Variants in PPP2R5A observed in about 807,000 individuals in gnomAD.
The protein encoded by PPP2R5A is protein phosphatase 2 regulatory subunit B'alpha, also known as serine/threonine-protein phosphatase 2A 56 kDa regulatory subunit alpha isoform.
Under a neutral mutation model 64.2 loss-of-function variants are expected in PPP2R5A, and 25 were observed. The ratio of observed to expected loss-of-function variants is 0.39; its 90% CI spans 0.28 to 0.54. The LOEUF is 0.54. Ranked by LOEUF, PPP2R5A falls within the 20% of genes least tolerant of loss-of-function variation. PPP2R5A has a pLI of 0.67. For missense variants in PPP2R5A, 425 were observed against 576.3 expected (o/e 0.74, Z 2.69); for synonymous variants, 198 against 201.2 (o/e 0.98, Z 0.13).
At chr1:212,297,246 C>G (rs940738778) in intron 1 of PPP2R5A, among the ~76,000 whole-genome samples, 1 of 151,138 alleles carries the variant, frequency 6.6e-6, no homozygotes, top group African/African-American at 2.4e-5. Flanking sequence ...CTCAGCCTCC[C>G]GAGTAGCTGC....
At chr1:212,315,100 T>C (rs1659121463) in intron 1 of PPP2R5A, among the ~76,000 whole-genome samples, 1 of 152,244 alleles carries the variant, frequency 6.6e-6, no homozygotes. Flanking sequence ...TGTTATGATT[T>C]GGCTTGTTTT....
chr1:212,360,796 A>C lies in PPP2R5A; in HGVS notation c.*26A>C. On this transcript the variant is annotated 3_prime_UTR_variant, in exon 13 of 13. Coordinates refer to ENST00000261461, the MANE Select transcript of PPP2R5A (RefSeq NM_006243.4). ...AAAAAAAGCCTCCCACCTCTGCCGG[A>C]TAGGCAGAGTTTTGTATGCTTTTTT... 1 of 1,500,366 alleles carries C rather than the reference A, an allele frequency of 6.7e-7. No homozygotes were observed. The highest frequency in any genetic ancestry group is 8.9e-7 in the Non-Finnish European group (1 of 1,126,598). 92.9% of individuals were successfully genotyped at this position (1,500,366 alleles called of 1,614,324 possible).
chr1:212,334,533 G>GC (rs1659559207), intron 3 of PPP2R5A, among the ~76,000 whole-genome samples: 1 of 152,118 alleles, frequency 6.6e-6, no homozygotes, highest in Admixed American at 6.6e-5. Flanking sequence ...AGCTCAAGCA[G>GC]CCCACCCACT....
chr1:212,322,125 C>T (rs535729626), intron 1 of PPP2R5A, among the ~76,000 whole-genome samples: 27 of 151,088 alleles, frequency 1.8e-4, no homozygotes, highest in Admixed American at 1.6e-3. Context: ...TGCAGTGAGC[C>T]GAGATGGCAG....
At chr1:212,351,002 G>A (rs922568389) in intron 8 of PPP2R5A, among the ~76,000 whole-genome samples, 6 of 150,488 alleles carry the variant, frequency 4.0e-5, no homozygotes, top group African/African-American at 1.5e-4. Context: ...AAATTAGCTG[G>A]GCATGGTGGC....
At chr1:212,351,205 TAGG>T (rs1378077709) in intron 8 of PPP2R5A, among the ~76,000 whole-genome samples, 1 of 151,212 alleles carries the variant, frequency 6.6e-6, no homozygotes, top group African/African-American at 2.4e-5. Context: ...TTAATGAAAA[TAGG>T]AGCAGGATGA....
intron 8 of PPP2R5A, chr1:212,352,894 G>GAT: frequency 1.9e-6 from 1 of 519,220 alleles, no homozygotes; most frequent in South Asian, 1.4e-5. Context: ...AGTTTTCCTT[G>GAT]ATGGTCATAG....
chr1:212,322,128 G>A (rs1373573424), intron 1 of PPP2R5A, among the ~76,000 whole-genome samples: 1 of 151,406 alleles, frequency 6.6e-6, no homozygotes, highest in African/African-American at 2.4e-5. Flanking sequence ...AGTGAGCCGA[G>A]ATGGCAGCAG....
chr1:212,337,405 A>G (rs1659608829), intron 3 of PPP2R5A, among the ~76,000 whole-genome samples: 1 of 152,080 alleles, frequency 6.6e-6, no homozygotes, highest in African/African-American at 2.4e-5. Context: ...TAGAACATAG[A>G]CCTTTTTAGG....
At chr1:212,338,824 C>T (rs886752386) in intron 3 of PPP2R5A, among the ~76,000 whole-genome samples, 6 of 151,528 alleles carry the variant, frequency 4.0e-5, no homozygotes, top group Admixed American at 2.0e-4. Context: ...CATAGAAAAA[C>T]TTCAGTCACT....
rs754370401 is a variant in PPP2R5A, at chr1:212,343,258, C to T, written c.573+978C>T. Among the ~76,000 whole-genome samples the T allele has an allele frequency of 2.6e-5, 4 of 152,168 alleles. No individual in the cohort carries two copies. In the South Asian group the frequency reaches 8.3e-4, roughly 32 times the overall value. On this transcript the variant is annotated intron_variant, in intron 4 of 12. Transcript: ENST00000261461. Reference sequence around the variant, plus strand: ...GTGAGCCACTGCACTGGCCAAAGGCCCCTTTTTAACTATATGGAATTGGCT... The same window carrying T: ...GTGAGCCACTGCACTGGCCAAAGGCTCCTTTTTAACTATATGGAATTGGCT...
intron 1 of PPP2R5A, among the ~76,000 whole-genome samples, chr1:212,317,969 A>G (rs1659190618): frequency 6.6e-6 from 1 of 152,180 alleles, no homozygotes; most frequent in Non-Finnish European, 1.5e-5. Flanking sequence ...TAAAAAAAAA[A>G]GTGTGAGCCA....
At chr1:212,334,468 A>G (rs2102436104) in intron 3 of PPP2R5A, among the ~76,000 whole-genome samples, 1 of 152,010 alleles carries the variant, frequency 6.6e-6, no homozygotes, top group African/African-American at 2.4e-5. Flanking sequence ...TAATTTTTGT[A>G]TTTTTAGTAG....
At chr1:212,286,394 G>T in intron 1 of PPP2R5A, 103 bp downstream of exon 1, 1 of 1,286,304 alleles carries the variant, frequency 7.8e-7, no homozygotes, top group Non-Finnish European at 1.0e-6. Flanking sequence ...TGCTCAGTTG[G>T]GACTGGTAGT....
Position 212,286,033 on chromosome 1 carries a change from C to G in PPP2R5A, c.-78C>G. 1 of 1,391,370 alleles carries G rather than the reference C, an allele frequency of 7.2e-7. No homozygotes were observed. The highest frequency in any genetic ancestry group is 9.3e-7 in the Non-Finnish European group (1 of 1,072,950). 86.2% of individuals were successfully genotyped at this position (1,391,370 alleles called of 1,614,324 possible). On this transcript the variant is annotated 5_prime_UTR_variant, in exon 1 of 13. Transcript: ENST00000261461. Reference sequence around the variant, plus strand: ...GCGCGAGCACCCCGCGCCTCTCCCCCGCCTCCTCCTGCCGTCTCCGCCGCT... The same window carrying G: ...GCGCGAGCACCCCGCGCCTCTCCCCGGCCTCCTCCTGCCGTCTCCGCCGCT...
chr1:212,308,701 A>C (rs1406517251), intron 1 of PPP2R5A, among the ~76,000 whole-genome samples: 1 of 151,970 alleles, frequency 6.6e-6, no homozygotes, highest in African/African-American at 2.4e-5. Flanking sequence ...GAGCCACCGC[A>C]CCTGGCTGTG....
chr1:212,322,098 G>GA (rs1470441825), intron 1 of PPP2R5A, among the ~76,000 whole-genome samples: 2 of 151,440 alleles, frequency 1.3e-5, no homozygotes, highest in African/African-American at 4.8e-5. Flanking sequence ...TGAGGCAGGA[G>GA]AATCAGGCAG....
chr1:212,317,959 TA>T (rs899312269), intron 1 of PPP2R5A, among the ~76,000 whole-genome samples: 30 of 147,738 alleles, frequency 2.0e-4, no homozygotes, highest in Non-Finnish European at 3.2e-4. Context: ...AAAAAAAAAT[TA>T]AAAAAAAAAG....
chr1:212,337,222 T>G (rs1237290980), intron 3 of PPP2R5A, among the ~76,000 whole-genome samples: 1 of 152,188 alleles, frequency 6.6e-6, no homozygotes. Context: ...TAAGTATTAT[T>G]GCTTTCTATT....
Sources: gnomAD v4.1 joint callset for allele counts (sites outside exome capture counted in the v4.1 genomes callset) on GRCh38, gnomAD v4.1.1 for gene constraint, MANE v1.5 for transcripts, NCBI Gene and HGNC (gene_info 2026-07-23, HGNC 2026-07-21) for gene names.